The following PUS10 variants were observed in gnomAD, a reference collection of about 807,000 sequenced individuals.
PUS10 encodes tRNA pseudouridine synthase Pus10.
In PUS10, 59 loss-of-function variants were observed where a neutral mutation model predicts 75.0. That is an observed-to-expected ratio of 0.79 (90% CI 0.64 to 0.98). The LOEUF is 0.98. Among genes scored for constraint, PUS10 ranks in the 50% least tolerant of loss-of-function variants. The pLI, the probability that PUS10 is intolerant of heterozygous loss-of-function variation, is 0.00. For missense variants in PUS10, 650 were observed against 614.4 expected (o/e 1.06, Z -0.61); for synonymous variants, 219 against 211.6 (o/e 1.03, Z -0.30).
chr2:60,962,928 A>T (rs760120756), intron 8 of PUS10, 38 bp from the exon 9 acceptor site: 2 of 1,515,812 alleles, frequency 1.3e-6, no homozygotes, highest in Non-Finnish European at 1.8e-6. Context: ...ACATTTTATT[A>T]TCCAGACAAG....
Position 61,018,255 on chromosome 2 carries a change from T to A in PUS10, c.-263A>T, listed in dbSNP as rs1360121011. 2 of 1,551,068 alleles carry A rather than the reference T, an allele frequency of 1.3e-6. No individual in the cohort carries two copies. Among genetic ancestry groups the A allele is most frequent in the Non-Finnish European group, 8.7e-7 (1 of 1,147,020 alleles). On this transcript the variant is annotated 5_prime_UTR_variant, in exon 1 of 18. Transcript: ENST00000316752. Reference sequence around the variant, plus strand: ...CGGCATCGACAGGGAGCAAAGTCTCTCCTTAAAGGTGTTAACCTCTCGAGA... The same window carrying A: ...CGGCATCGACAGGGAGCAAAGTCTCACCTTAAAGGTGTTAACCTCTCGAGA...
intron 4 of PUS10, among the ~76,000 whole-genome samples, chr2:61,005,967 C>T (rs1679185151): frequency 6.6e-6 from 1 of 152,140 alleles, no homozygotes; most frequent in Admixed American, 6.5e-5. Flanking sequence ...ACAGAAGTTT[C>T]TCACTATGCT....
intron 4 of PUS10, among the ~76,000 whole-genome samples, chr2:60,980,055 G>C (rs914626715): frequency 3.3e-5 from 5 of 152,162 alleles, no homozygotes; most frequent in Non-Finnish European, 4.4e-5. Context: ...GGGTGGGGTA[G>C]GAGTAGAAGC....
Position 60,942,360 on chromosome 2 carries a change from A to G in PUS10, c.*35T>C, listed in dbSNP as rs1443199142. 1.3e-6 allele frequency: 2 copies of G among 1,599,272 alleles called. No individual in the cohort carries two copies. The highest frequency in any genetic ancestry group is 1.7e-6 in the Non-Finnish European group (2 of 1,166,442). On this transcript the variant is annotated 3_prime_UTR_variant, in exon 18 of 18. Coordinates refer to ENST00000316752, the MANE Select transcript of PUS10 (RefSeq NM_144709.4). ...GCTCCATGGATGTCCACATCATGCC[A>G]GGAAAACCATACTCTTTGTCTCCAA...
intron 4 of PUS10, among the ~76,000 whole-genome samples, chr2:60,985,489 G>T (rs1436022046): frequency 6.6e-6 from 1 of 152,024 alleles, no homozygotes; most frequent in African/African-American, 2.4e-5. Flanking sequence ...TTGTGCTAAA[G>T]ATGAAATATT....
chr2:60,945,488 C>T lies in PUS10; in HGVS notation c.1452-380G>A, dbSNP rs77795050. ...GTTAGTCCCATTTTTTTAATAATGG[C>T]AACTGTCACCTGCCAGATGGTAGGT... On this transcript the variant is annotated intron_variant, in intron 16 of 17. Transcript: ENST00000316752. Among the ~76,000 whole-genome samples the T allele has an allele frequency of 8.6e-3, 1,308 of 152,276 alleles. 17 individuals carry two copies. Among genetic ancestry groups the T allele is most frequent in the African/African-American group, 0.03 (1,257 of 41,540 alleles).
intron 4 of PUS10, among the ~76,000 whole-genome samples, chr2:60,974,564 T>C (rs1676911781): frequency 6.6e-6 from 1 of 152,154 alleles, no homozygotes; most frequent in South Asian, 2.1e-4. Context: ...AGAGAAGAGC[T>C]GTGGCCGGGA....
rs56804354 is a variant in PUS10 at position 60,956,974 on chromosome 2, C to CAAAAAAA, written c.1001-1907_1001-1901dup. On this transcript the variant is annotated intron_variant, in intron 11 of 17. Transcript: ENST00000316752. ...CGGGTGACAGAGCGAGACTCCATCT[C>CAAAAAAA]AAAAAAAAAAAAAAAAAAAAAAAAA... 4.3e-3 allele frequency among the ~76,000 whole-genome samples: 82 copies of CAAAAAAA among 19,250 alleles called. 1 individual carries two copies. The highest frequency in any genetic ancestry group is 0.011 in the African/African-American group (70 of 6,344). The allele number at this position is 19,250 out of a possible 152,430, so 12.6% of individuals were successfully genotyped here. A position where few individuals can be genotyped will look rare whatever the true frequency, so the allele number is the denominator to read the frequency against.
chr2:60,972,941 G>A (rs1315283859), intron 4 of PUS10, among the ~76,000 whole-genome samples: 1 of 152,194 alleles, frequency 6.6e-6, no homozygotes, highest in Non-Finnish European at 1.5e-5. Context: ...AGTGTGGACC[G>A]TCCGGAGTAG....
intron 4 of PUS10, among the ~76,000 whole-genome samples, chr2:60,989,664 C>T (rs1677953812): frequency 6.6e-6 from 1 of 151,888 alleles, no homozygotes; most frequent in Middle Eastern, 3.4e-3. Flanking sequence ...CAGAGTTTCA[C>T]TCTTGTTGCC....
chr2:61,018,107 C>T lies in PUS10; in HGVS notation c.-115G>A, dbSNP rs899092492. On this transcript the variant is annotated 5_prime_UTR_variant, in exon 1 of 18. Transcript: ENST00000316752. ...CTGGGCGTCTCTCTGGGTCTCTGTG[C>T]TTGAAAGAAAGGGGGGCGGCTTCCT... 4.5e-5 allele frequency: 69 copies of T among 1,545,646 alleles called. No homozygotes were observed. The South Asian group carries it at 7.8e-4, about 17-fold the overall frequency.
chr2:60,940,628 C>T lies in PUS10; in HGVS notation c.*1767G>A, dbSNP rs1319739880. On this transcript the variant is annotated 3_prime_UTR_variant, in exon 18 of 18. Coordinates refer to ENST00000316752, the MANE Select transcript of PUS10 (RefSeq NM_144709.4). ...GAATAGAAATTTAAGAAATAGAAAT[C>T]TTCTCATTTCAGTTTGCTAAGCACA... 6.6e-6 allele frequency: 1 copy of T among 152,240 alleles called. No homozygotes were observed. Among genetic ancestry groups the T allele is most frequent in the Admixed American group, 6.5e-5 (1 of 15,276 alleles). 9.4% of individuals were successfully genotyped at this position (152,240 alleles called of 1,614,324 possible). A position where few individuals can be genotyped will look rare whatever the true frequency, so the allele number is the denominator to read the frequency against.
intron 16 of PUS10, among the ~76,000 whole-genome samples, chr2:60,945,895 A>G (rs1674915771): frequency 1.3e-5 from 2 of 152,224 alleles, no homozygotes; most frequent in Admixed American, 1.3e-4. Flanking sequence ...GTTTTGTTCT[A>G]CAAACCAGCA....
intron 3 of PUS10, among the ~76,000 whole-genome samples, chr2:61,007,824 G>A (rs1342990367): frequency 1.3e-5 from 2 of 150,028 alleles, no homozygotes; most frequent in East Asian, 2.0e-4. Context: ...GGTGGCTCAC[G>A]CCTGTAATCC....
At chr2:60,999,351 T>C (rs1573497738) in intron 4 of PUS10, among the ~76,000 whole-genome samples, 3 of 152,080 alleles carry the variant, frequency 2.0e-5, no homozygotes, top group African/African-American at 7.2e-5. Context: ...CCGGGTGCAG[T>C]AGCCTGTAAT....
At chr2:60,947,923 T>G in intron 16 of PUS10, 120 bp downstream of exon 16, 3 of 854,430 alleles carry the variant, frequency 3.5e-6, no homozygotes, top group Non-Finnish European at 5.4e-6. Flanking sequence ...AATATTCTTC[T>G]TCAGTATAAT....
intron 4 of PUS10, among the ~76,000 whole-genome samples, 159 bp downstream of exon 4, chr2:61,006,395 TCAA>T (rs1390231422): frequency 1.3e-5 from 2 of 152,346 alleles, no homozygotes; most frequent in East Asian, 1.9e-4. Flanking sequence ...ATTCACTCAC[TCAA>T]CAAGTATTTA....
At chr2:60,962,522 C>T (rs192496457) in intron 9 of PUS10, among the ~76,000 whole-genome samples, 27 of 151,886 alleles carry the variant, frequency 1.8e-4, no homozygotes, top group African/African-American at 6.3e-4. Flanking sequence ...TGCAGTGAGC[C>T]GAGACTGCTC....
Position 60,965,402 on chromosome 2 carries a change from G to A in PUS10, c.677+21C>T, listed in dbSNP as rs147508599. On this transcript the variant is annotated intron_variant, in intron 7 of 17. Transcript: ENST00000316752. ...GCATTAACAATTTTACACCATTGAC[G>A]TTGTTTACATGGCAACTTACAGGAA... 181 of 1,590,862 alleles carry A rather than the reference G, an allele frequency of 1.1e-4. 1 individual carries two copies. The East Asian group carries it at 2.6e-3, about 23-fold the overall frequency.
Sources: allele counts gnomAD v4.1 joint callset (sites outside exome capture counted in the v4.1 genomes callset), GRCh38; gene constraint gnomAD v4.1.1; transcripts MANE v1.5; gene names NCBI Gene and HGNC (gene_info 2026-07-23, HGNC 2026-07-21).